ITPR2: variants seen among roughly 807,000 people sequenced by gnomAD.
ITPR2 encodes inositol 1,4,5-trisphosphate-gated calcium channel ITPR2.
ITPR2 carries 207 observed loss-of-function variants against 317.1 expected under a neutral mutation model. That is an observed-to-expected ratio of 0.65 (90% CI 0.58 to 0.73). The LOEUF (loss-of-function observed/expected upper bound fraction) is 0.73, where lower values mean the gene tolerates loss of function less well. ITPR2 is among the 30% of genes least tolerant of loss of function. ITPR2 has a pLI of 0.00. For synonymous variants in ITPR2, 1,156 were observed against 1,149.1 expected (o/e 1.01, Z -0.12); for missense variants, 2,613 against 3,284.0 (o/e 0.80, Z 4.99).
intron 21 of ITPR2, among the ~76,000 whole-genome samples, chr12:26,632,536 C>T (rs979513798): frequency 9.2e-5 from 14 of 152,270 alleles, no homozygotes; most frequent in African/African-American, 3.4e-4. Flanking sequence ...TTTTAGCTTT[C>T]CTTTCATAAC....
At position 26,749,060 on chromosome 12, in the gene ITPR2, A is replaced by G. The variant is rs191599120; in HGVS notation, c.164-23295T>C. 8.3e-4 allele frequency among the ~76,000 whole-genome samples: 121 copies of G among 146,392 alleles called. 1 individual carries two copies. Among genetic ancestry groups the G allele is most frequent in the Non-Finnish European group, 1.5e-3 (94 of 63,810 alleles). ...CATTACTCAGATTTGACTACGTGAT[A>G]TCAGGTATACTCAAATACCTGCAGT... is the stretch of plus-strand genomic sequence containing the variant. On this transcript the variant is annotated intron_variant, in intron 2 of 56. Transcript: ENST00000381340.
At chr12:26,784,728 A>G (rs1356443072) in intron 2 of ITPR2, among the ~76,000 whole-genome samples, 3 of 150,724 alleles carry the variant, frequency 2.0e-5, no homozygotes, top group South Asian at 2.1e-4. Flanking sequence ...TTGGCCCCCC[A>G]AAGTGCCGAG....
intron 2 of ITPR2, among the ~76,000 whole-genome samples, chr12:26,731,311 GA>G (rs1353651985): frequency 3.3e-5 from 5 of 152,214 alleles, no homozygotes; most frequent in Non-Finnish European, 7.4e-5. Flanking sequence ...GAAAGGTGGG[GA>G]GGGAAAGCCT....
chr12:26,463,013 A>T (rs1942076991), intron 45 of ITPR2, among the ~76,000 whole-genome samples: 1 of 152,196 alleles, frequency 6.6e-6, no homozygotes, highest in Non-Finnish European at 1.5e-5. Flanking sequence ...CAGGAAAAAT[A>T]AGTTAATCAA....
At chr12:26,345,204 T>C (rs921112205) in intron 55 of ITPR2, among the ~76,000 whole-genome samples, 2 of 152,212 alleles carry the variant, frequency 1.3e-5, no homozygotes, top group Non-Finnish European at 2.9e-5. Context: ...TTGATTGCTT[T>C]CTGTTCTCTT....
chr12:26,833,033 G>T lies in ITPR2; in HGVS notation c.-252C>A. On this transcript the variant is annotated 5_prime_UTR_variant, in exon 1 of 57. Coordinates refer to ENST00000381340, the MANE Select transcript of ITPR2 (RefSeq NM_002223.4). ...CGCAGCCCAGGCGCCCAGAGAAGCCGCAGCCGCCGCCGCCTCCCCGGCAGG... is the reference window on the plus strand; with the variant it reads ...CGCAGCCCAGGCGCCCAGAGAAGCCTCAGCCGCCGCCGCCTCCCCGGCAGG... 2.1e-6 allele frequency: 1 copy of T among 466,424 alleles called. No homozygotes were observed. The highest frequency in any genetic ancestry group is 3.7e-6 in the Non-Finnish European group (1 of 267,692). The allele number at this position is 466,424 out of a possible 1,614,324, so 28.9% of individuals were successfully genotyped here.
chr12:26,762,231 G>T (rs1949648274), intron 2 of ITPR2, among the ~76,000 whole-genome samples: 1 of 152,170 alleles, frequency 6.6e-6, no homozygotes, highest in South Asian at 2.1e-4. Context: ...TGAACATCCA[G>T]ATTCATGAAT....
chr12:26,525,054 T>C (rs1458949010), intron 37 of ITPR2, among the ~76,000 whole-genome samples: 1 of 152,192 alleles, frequency 6.6e-6, no homozygotes, highest in East Asian at 1.9e-4. Context: ...GGATGACACC[T>C]AGTGATGAGC....
intron 40 of ITPR2, 84 bp from the exon 41 acceptor site, chr12:26,486,444 T>G: frequency 3.8e-6 from 4 of 1,064,078 alleles, no homozygotes; most frequent in African/African-American, 1.6e-5. Context: ...GGTACCCAAA[T>G]TCTCTAACAA....
At chr12:26,555,643 C>T (rs965643024) in intron 36 of ITPR2, among the ~76,000 whole-genome samples, 5 of 152,156 alleles carry the variant, frequency 3.3e-5, no homozygotes, top group Non-Finnish European at 5.9e-5. Flanking sequence ...ATACCACAAA[C>T]GCTAAGAAAC....
intron 55 of ITPR2, among the ~76,000 whole-genome samples, chr12:26,375,287 G>C (rs968986325): frequency 2.6e-5 from 4 of 152,238 alleles, no homozygotes; most frequent in African/African-American, 9.6e-5. Flanking sequence ...ATGAGAATCA[G>C]AGAAGTGAAC....
At chr12:26,396,448 T>C (rs760671146) in intron 54 of ITPR2, among the ~76,000 whole-genome samples, 1 of 152,138 alleles carries the variant, frequency 6.6e-6, no homozygotes, top group Non-Finnish European at 1.5e-5. Flanking sequence ...ACGAATTCAT[T>C]TCTTTCCAAA....
chr12:26,682,128 C>A, intron 12 of ITPR2, 94 bp from the exon 13 acceptor site: 1 of 1,022,666 alleles, frequency 9.8e-7, no homozygotes. Flanking sequence ...AAATATAAGA[C>A]AAGAATAGAT....
chr12:26,768,788 C>G (rs1949788071), intron 2 of ITPR2, among the ~76,000 whole-genome samples: 1 of 152,024 alleles, frequency 6.6e-6, no homozygotes, highest in Admixed American at 6.6e-5. Flanking sequence ...TTTCATGCAG[C>G]CTGTCTAAAT....
At chr12:26,535,921 T>C (rs1944076612) in intron 37 of ITPR2, among the ~76,000 whole-genome samples, 1 of 152,220 alleles carries the variant, frequency 6.6e-6, no homozygotes, top group Non-Finnish European at 1.5e-5. Context: ...ATGAAAACAA[T>C]TGGCAAACAA....
intron 34 of ITPR2, among the ~76,000 whole-genome samples, chr12:26,562,716 T>C (rs984783479): frequency 5.7e-5 from 8 of 139,862 alleles, no homozygotes; most frequent in Non-Finnish European, 1.2e-4. Flanking sequence ...AGCTGAACAA[T>C]GAGAACACTT....
chr12:26,800,489 A>G (rs1321839105), intron 1 of ITPR2, among the ~76,000 whole-genome samples: 1 of 152,208 alleles, frequency 6.6e-6, no homozygotes, highest in Non-Finnish European at 1.5e-5. Context: ...ATAGCTTGGC[A>G]TGGTGGTACA....
chr12:26,406,229 T>G (rs768233911), intron 52 of ITPR2, among the ~76,000 whole-genome samples: 1 of 152,068 alleles, frequency 6.6e-6, no homozygotes, highest in Middle Eastern at 3.2e-3. Flanking sequence ...AAGTAAAATA[T>G]CCAAACATAT....
intron 47 of ITPR2, 93 bp downstream of exon 47, chr12:26,439,034 A>G (rs1941425576): frequency 1.2e-6 from 1 of 800,744 alleles, no homozygotes. Flanking sequence ...AGAAATTAAA[A>G]AAACAATTTA....
Sources: gnomAD v4.1 joint callset for allele counts (sites outside exome capture counted in the v4.1 genomes callset) on GRCh38, gnomAD v4.1.1 for gene constraint, MANE v1.5 for transcripts, NCBI Gene and HGNC (gene_info 2026-07-23, HGNC 2026-07-21) for gene names.